EXOC4: variants seen among roughly 807,000 people sequenced by gnomAD.
EXOC4 encodes exocyst complex component 4.
A neutral mutation model predicts 107.2 loss-of-function variants in EXOC4; 71 were observed. The ratio of observed to expected loss-of-function variants is 0.66; its 90% CI spans 0.55 to 0.81. The LOEUF is 0.81. Ranked by LOEUF, EXOC4 falls within the 30% of genes least tolerant of loss-of-function variation. EXOC4 has a pLI of 0.00. For synonymous variants in EXOC4, 456 were observed against 441.2 expected, an observed-to-expected ratio of 1.03 and a Z score of -0.42; for missense variants, 1,108 against 1,189.6, an observed-to-expected ratio of 0.93 and a Z score of 1.01.
At chr7:133,639,914 A>G (rs1306603629) in intron 10 of EXOC4, among the ~76,000 whole-genome samples, 4 of 152,158 alleles carry the variant, frequency 2.6e-5, no homozygotes. Flanking sequence ...AACACTAACA[A>G]GTTTCTAGGG....
At chr7:133,450,322 AC>A (rs1798313532) in intron 7 of EXOC4, among the ~76,000 whole-genome samples, 1 of 151,860 alleles carries the variant, frequency 6.6e-6, no homozygotes, top group South Asian at 2.1e-4. Context: ...GTGTCACCAC[AC>A]CCATTTAATT....
At chr7:133,507,804 G>A (rs549539769) in intron 9 of EXOC4, among the ~76,000 whole-genome samples, 1 of 152,286 alleles carries the variant, frequency 6.6e-6, no homozygotes, top group South Asian at 2.1e-4. Flanking sequence ...AATCAGTACT[G>A]TAATCCCAGC....
chr7:133,282,318 A>G (rs1253417755), intron 2 of EXOC4, among the ~76,000 whole-genome samples: 2 of 152,144 alleles, frequency 1.3e-5, no homozygotes, highest in African/African-American at 4.8e-5. Context: ...AATTGTAGCT[A>G]TTGCTGAATA....
intron 17 of EXOC4, among the ~76,000 whole-genome samples, chr7:134,036,404 A>C (rs896862727): frequency 1.3e-5 from 2 of 152,146 alleles, no homozygotes; most frequent in Non-Finnish European, 2.9e-5. Flanking sequence ...CCCAGCAAAT[A>C]TGAGGAAACC....
At chr7:133,922,482 C>A (rs1482684845) in intron 13 of EXOC4, among the ~76,000 whole-genome samples, 1 of 152,040 alleles carries the variant, frequency 6.6e-6, no homozygotes, top group Non-Finnish European at 1.5e-5. Flanking sequence ...ATCCATATTG[C>A]TGTATATAGG....
At chr7:133,980,973 C>T (rs1793965415) in intron 14 of EXOC4, among the ~76,000 whole-genome samples, 2 of 152,298 alleles carry the variant, frequency 1.3e-5, no homozygotes, top group South Asian at 2.1e-4. Flanking sequence ...GACTGTCTGA[C>T]ACCAGACAGA....
At chr7:133,339,312 G>A (rs1216753495) in intron 5 of EXOC4, among the ~76,000 whole-genome samples, 1 of 152,056 alleles carries the variant, frequency 6.6e-6, no homozygotes, top group Non-Finnish European at 1.5e-5. Flanking sequence ...AAGATCAGTT[G>A]GTTGTAAGTA....
At chr7:133,375,893 A>G (rs979457143) in intron 7 of EXOC4, among the ~76,000 whole-genome samples, 2 of 152,224 alleles carry the variant, frequency 1.3e-5, no homozygotes, top group African/African-American at 4.8e-5. Flanking sequence ...TATTTGATTT[A>G]GCCAGATGGA....
At chr7:133,608,150 T>C (rs1801991827) in intron 9 of EXOC4, among the ~76,000 whole-genome samples, 1 of 152,192 alleles carries the variant, frequency 6.6e-6, no homozygotes, top group Non-Finnish European at 1.5e-5. Context: ...TGGTTTAATA[T>C]AGAACAATTT....
At chr7:133,686,963 G>A (rs1794313180) in intron 10 of EXOC4, among the ~76,000 whole-genome samples, 1 of 151,050 alleles carries the variant, frequency 6.6e-6, no homozygotes, top group Non-Finnish European at 1.5e-5. Context: ...CAGCCCAAAT[G>A]CCTATCAATC....
At chr7:134,097,117 C>A in the EXOC4 span, among the ~76,000 whole-genome samples, 1 of 151,926 alleles carries the variant, frequency 6.6e-6, no homozygotes, top group African/African-American at 2.4e-5. Flanking sequence ...AGAGTAGCAA[C>A]AATTAAAATT....
intron 10 of EXOC4, among the ~76,000 whole-genome samples, chr7:133,738,354 T>A (rs961535761): frequency 6.6e-6 from 1 of 152,140 alleles, no homozygotes; most frequent in Admixed American, 6.5e-5. Flanking sequence ...GCTAGAAAAA[T>A]TAAATGTGTA....
At chr7:133,877,617 C>T (rs1474609954) in intron 11 of EXOC4, among the ~76,000 whole-genome samples, 1 of 152,130 alleles carries the variant, frequency 6.6e-6, no homozygotes, top group Non-Finnish European at 1.5e-5. Flanking sequence ...ATTCATTGCC[C>T]TGTGTGAACT....
Position 133,960,225 on chromosome 7 carries a change from T to C in EXOC4, c.2206+22156T>C, listed in dbSNP as rs748988489. Among the ~76,000 whole-genome samples, 3 of 152,358 alleles carry C rather than the reference T, an allele frequency of 2.0e-5. No individual in the cohort carries two copies. In the East Asian group the frequency reaches 5.8e-4, roughly 29 times the overall value. On this transcript the variant is annotated intron_variant, in intron 14 of 17. Transcript: ENST00000253861. ...AAAAATTGTCCATCATAAGAGAGTT[T>C]GGAGTTGAGTACTTTAAACAACGAA... is the stretch of plus-strand genomic sequence containing the variant.
intron 13 of EXOC4, among the ~76,000 whole-genome samples, chr7:133,930,181 T>G (rs1800145027): frequency 6.6e-6 from 1 of 152,208 alleles, no homozygotes; most frequent in African/African-American, 2.4e-5. Context: ...GAATTCTTTT[T>G]GGAAAGTTAC....
intron 10 of EXOC4, among the ~76,000 whole-genome samples, chr7:133,764,029 T>G (rs1283569717): frequency 6.6e-6 from 1 of 152,122 alleles, no homozygotes; most frequent in Non-Finnish European, 1.5e-5. Flanking sequence ...TCTTTAACCT[T>G]GTGACTTTGT....
At chr7:133,922,391 A>G (rs1456996685) in intron 13 of EXOC4, among the ~76,000 whole-genome samples, 2 of 152,134 alleles carry the variant, frequency 1.3e-5, no homozygotes, top group Non-Finnish European at 2.9e-5. Context: ...TGGACCTTAT[A>G]TAAATGGAAT....
intron 14 of EXOC4, among the ~76,000 whole-genome samples, chr7:133,992,161 A>G (rs951693036): frequency 2.6e-5 from 4 of 151,808 alleles, no homozygotes; most frequent in African/African-American, 4.8e-5. Flanking sequence ...TTCCTTGTAG[A>G]TGTCTTTTAC....
chr7:133,599,331 A>C (rs931119850), intron 9 of EXOC4, among the ~76,000 whole-genome samples: 5 of 152,212 alleles, frequency 3.3e-5, no homozygotes, highest in Non-Finnish European at 7.3e-5. Flanking sequence ...ACAAATTTCC[A>C]AGATGAATAC....
Sources: allele counts gnomAD v4.1 joint callset (sites outside exome capture counted in the v4.1 genomes callset), GRCh38; gene constraint gnomAD v4.1.1; transcripts MANE v1.5; gene names NCBI Gene and HGNC (gene_info 2026-07-23, HGNC 2026-07-21).